Variants in ATRAID observed in about 807,000 individuals in gnomAD.
ATRAID encodes all-trans retinoic acid-induced differentiation factor.
In ATRAID, 26 loss-of-function variants were observed where a neutral mutation model predicts 28.8. That is an observed-to-expected ratio of 0.90 (90% CI 0.66 to 1.25). The LOEUF is 1.25. ATRAID is among the 50% of genes most tolerant of loss of function. ATRAID has a pLI of 0.00. For missense variants in ATRAID, 308 were observed against 285.9 expected (o/e 1.08, Z -0.56); for synonymous variants, 131 against 108.5 (o/e 1.21, Z -1.29).
chr2:27,214,144 T>A (rs1674736157), intron 2 of ATRAID, among the ~76,000 whole-genome samples: 1 of 152,224 alleles, frequency 6.6e-6, no homozygotes, highest in Admixed American at 6.5e-5. Context: ...ATATTGTAAT[T>A]TAATGTTTAC....
intron 2 of ATRAID, 48 bp downstream of exon 2, chr2:27,213,346 C>G (rs779206777): frequency 3.1e-6 from 5 of 1,589,100 alleles, no homozygotes; most frequent in Non-Finnish European, 4.3e-6. Context: ...ATTCCTTAGC[C>G]TGGCTGCTTT....
chr2:27,212,042 A>T lies in ATRAID; in HGVS notation c.-327A>T, dbSNP rs932126810. 10 of 903,866 alleles carry T rather than the reference A, an allele frequency of 1.1e-5. No individual in the cohort carries two copies. The highest frequency in any genetic ancestry group is 1.6e-5 in the Non-Finnish European group (10 of 625,312). The allele number at this position is 903,866 out of a possible 1,614,324, so 56.0% of individuals were successfully genotyped here. ...TACTGAGGGCGGATGGAGGGGCCCG[A>T]GTTTCTGCGAAGCCGCGACCTCGGC... On this transcript the variant is annotated 5_prime_UTR_variant, in exon 1 of 7. Transcript: ENST00000380171.
chr2:27,212,234 G>T lies in ATRAID; in HGVS notation c.-135G>T, dbSNP rs1674593644. On this transcript the variant is annotated 5_prime_UTR_variant, in exon 1 of 7. An upstream open reading frame in the 5' UTR gains an earlier in-frame stop. Coordinates refer to ENST00000380171, the MANE Select transcript of ATRAID (RefSeq NM_001170795.4). ...GACCAGCGCAGAGCTCCACGAGCAG[G>T]AAAAGCCCCCAAGCAGCCCCAGGGC... 1.9e-6 allele frequency: 3 copies of T among 1,561,264 alleles called. No homozygotes were observed. Among genetic ancestry groups the T allele is most frequent in the Non-Finnish European group, 2.6e-6 (3 of 1,153,266 alleles).
chr2:27,215,060 A>C (rs945106163), intron 2 of ATRAID, among the ~76,000 whole-genome samples: 1 of 152,164 alleles, frequency 6.6e-6, no homozygotes, highest in East Asian at 1.9e-4. Context: ...TTGGCCTCCT[A>C]AAGTGCTGGG....
intron 1 of ATRAID, 107 bp from the exon 2 acceptor site, chr2:27,213,070 T>A: frequency 1.4e-6 from 2 of 1,387,758 alleles, no homozygotes; most frequent in Non-Finnish European, 2.0e-6. Context: ...ATCGGCCCCG[T>A]GTTAGAGGAA....
chr2:27,215,533 A>T lies in ATRAID; in HGVS notation c.353A>T (p.Gln118Leu), dbSNP rs560000714. ...GCCAACACCTTCCGTGGCTTTACTC[A>T]GCTCCAGACTCTGTGAGTAAGGGTA... The part of the protein sequence containing the change: ...DLANTFRGFT[Q>L]LQTLILPQHV... The change falls in exon 4 of 7, where the codon CAG becomes CTG. Residue 118 changes from glutamine to leucine, a missense_variant. Gln to Leu is a moderately radical substitution (Grantham distance 113). Coordinates refer to ENST00000380171, the MANE Select transcript of ATRAID (RefSeq NM_001170795.4). 2 of 1,614,212 alleles carry T rather than the reference A, an allele frequency of 1.2e-6. No homozygotes were observed. The highest frequency in any genetic ancestry group is 1.7e-5 in the Admixed American group (1 of 60,024).
chr2:27,216,502 C>T (rs1558522479), intron 5 of ATRAID, 21 bp from the exon 6 acceptor site: 2 of 1,560,038 alleles, frequency 1.3e-6, no homozygotes, highest in Non-Finnish European at 1.8e-6. Flanking sequence ...GTGATGTTCT[C>T]TATTTCTCTC....
chr2:27,216,654 G>A (rs1674849587), intron 6 of ATRAID, 34 bp downstream of exon 6: 1 of 1,565,056 alleles, frequency 6.4e-7, no homozygotes, highest in Non-Finnish European at 8.8e-7. Flanking sequence ...AGGGATACAA[G>A]GAATGCATAG....
In ATRAID at chr2:27,217,101, A is replaced by G; in HGVS notation, c.*153A>G. ...ATGAAAAATTGCACTCCCTTGGTGT[A>G]GACAAATACCAGTTCCCATTGGTGT... On this transcript the variant is annotated 3_prime_UTR_variant, in exon 7 of 7. Transcript: ENST00000380171. 1.6e-6 allele frequency: 1 copy of G among 610,512 alleles called. No individual in the cohort carries two copies. The highest frequency in any genetic ancestry group is 2.8e-6 in the Non-Finnish European group (1 of 352,922). The allele number at this position is 610,512 out of a possible 1,614,324, so 37.8% of individuals were successfully genotyped here.
chr2:27,215,814 T>C, intron 5 of ATRAID, 61 bp downstream of exon 5: 3 of 1,582,780 alleles, frequency 1.9e-6, no homozygotes, highest in South Asian at 2.3e-5. Flanking sequence ...TTTTCCACTT[T>C]AGATCAGAAA....
chr2:27,216,849 G>T lies in ATRAID; in HGVS notation c.591G>T (p.Ser197=), dbSNP rs143401261. ...FHGYKCMRQG[S]FSLLMFFGIL... ...TTTTGGTCTGTTGTTCACAGGGCTCGTTCTCACTGCTTATGTTCTTCGGGA... is the reference window on the plus strand; with the variant it reads ...TTTTGGTCTGTTGTTCACAGGGCTCTTTCTCACTGCTTATGTTCTTCGGGA... Residue 197 remains serine (S), a synonymous_variant, in exon 7 of 7, where the codon TCG becomes TCT. Transcript: ENST00000380171. The T allele has an allele frequency of 2.3e-5, 37 of 1,613,742 alleles. 1 individual carries two copies. The highest frequency in any genetic ancestry group is 6.7e-5 in the Admixed American group (4 of 59,998).
rs753293030 is a variant in ATRAID, at chr2:27,215,493, C to A, written c.313C>A (p.Leu105Ile). ...TTGCAGAGACCTGCAAGCAAACCCC[C>A]TCAAAGGTGACTTGGCCAACACCTT... is the stretch of plus-strand genomic sequence containing the variant. ...TVIIDLQANPLKGDLANTFRG... is the reference protein window; with the variant it reads ...TVIIDLQANPIKGDLANTFRG... Residue 105 changes from leucine (L) to isoleucine (I), a missense_variant, in exon 4 of 7, where the codon CTC becomes ATC. Transcript: ENST00000380171. The A allele has an allele frequency of 1.2e-6, 2 of 1,614,238 alleles. No individual in the cohort carries two copies. Among genetic ancestry groups the A allele is most frequent in the South Asian group, 2.2e-5 (2 of 91,090 alleles).
In ATRAID at chr2:27,212,086, C is replaced by A; in HGVS notation, c.-283C>A. ...CCTCGGCGTCCGGACGCGGGGAACA[C>A]CGGGCTGAGGGAGTCTGCAGTCGGC... On this transcript the variant is annotated 5_prime_UTR_variant, in exon 1 of 7. Coordinates refer to ENST00000380171, the MANE Select transcript of ATRAID (RefSeq NM_001170795.4). The A allele has an allele frequency of 7.3e-7, 1 of 1,366,404 alleles. No individual in the cohort carries two copies. Among genetic ancestry groups the A allele is most frequent in the Non-Finnish European group, 9.7e-7 (1 of 1,029,382 alleles). The allele number at this position is 1,366,404 out of a possible 1,614,324, so 84.6% of individuals were successfully genotyped here.
In ATRAID at chr2:27,212,246, A is replaced by T; in HGVS notation, c.-123A>T. The T allele has an allele frequency of 2.6e-6, 4 of 1,561,092 alleles. No individual in the cohort carries two copies. The highest frequency in any genetic ancestry group is 3.5e-6 in the Non-Finnish European group (4 of 1,153,138). On this transcript the variant is annotated 5_prime_UTR_variant, in exon 1 of 7. In the 5' UTR this introduces an upstream ATG that the reference lacks. Transcript: ENST00000380171. ...GCTCCACGAGCAGGAAAAGCCCCCAAGCAGCCCCAGGGCGACTGGACCGGG... is the reference window on the plus strand; with the variant it reads ...GCTCCACGAGCAGGAAAAGCCCCCATGCAGCCCCAGGGCGACTGGACCGGG...
At chr2:27,215,415 C>A in intron 3 of ATRAID, 23 bp downstream of exon 3, 1 of 1,614,106 alleles carries the variant, frequency 6.2e-7, no homozygotes. Flanking sequence ...GTACCTCCCA[C>A]CCAAAAGGCT....
intron 2 of ATRAID, among the ~76,000 whole-genome samples, chr2:27,214,807 G>A (rs888295285): frequency 5.3e-5 from 8 of 152,336 alleles, no homozygotes; most frequent in South Asian, 2.1e-4. Context: ...AGCCGAGATC[G>A]TGCCACTGCA....
intron 2 of ATRAID, among the ~76,000 whole-genome samples, chr2:27,213,637 C>G (rs1674707861): frequency 6.6e-6 from 1 of 152,162 alleles, no homozygotes; most frequent in Non-Finnish European, 1.5e-5. Context: ...CATTATCACT[C>G]TCTTGCTTTA....
chr2:27,214,014 CGG>C (rs1308838033), intron 2 of ATRAID, among the ~76,000 whole-genome samples: 1 of 152,104 alleles, frequency 6.6e-6, no homozygotes, highest in Non-Finnish European at 1.5e-5. Context: ...GGCATGATCT[CGG>C]CTCACCGCGC....
In ATRAID at chr2:27,212,402, C is replaced by T; in HGVS notation, c.34C>T (p.Leu12=). 1 of 1,551,784 alleles carries T rather than the reference C, an allele frequency of 6.4e-7. No homozygotes were observed. Among genetic ancestry groups the T allele is most frequent in the Non-Finnish European group, 8.7e-7 (1 of 1,147,714 alleles). ...TCACGACCCGGGTAGTCTTACGACC[C>T]TGGTGCCCTGGGCTGCCGCCCTGCT... ...APHDPGSLTT[L]VPWAAALLLA... is the part of the protein sequence containing the mutation. Residue 12 remains leucine (L), a synonymous_variant, in exon 1 of 7, where the codon CTG becomes TTG. Transcript: ENST00000380171.
Sources: allele counts gnomAD v4.1 joint callset (sites outside exome capture counted in the v4.1 genomes callset), GRCh38; gene constraint gnomAD v4.1.1; transcripts MANE v1.5; gene names NCBI Gene and HGNC (gene_info 2026-07-23, HGNC 2026-07-21).